Variants in GABBR2 observed in about 807,000 individuals in gnomAD.
The protein encoded by GABBR2 is G-protein coupled receptor 51.
In GABBR2, 23 loss-of-function variants were observed where a neutral mutation model predicts 105.6. The ratio of observed to expected loss-of-function variants is 0.22; its 90% CI spans 0.16 to 0.31. The LOEUF (loss-of-function observed/expected upper bound fraction) is 0.31, where lower values mean the gene tolerates loss of function less well. Ranked by LOEUF, GABBR2 falls within the 10% of genes least tolerant of loss-of-function variation. The probability of loss-of-function intolerance (pLI) is 1.00; values close to 1 mark genes in which losing one functional copy is unlikely to be tolerated. For synonymous variants in GABBR2, 478 were observed against 499.7 expected (o/e 0.96, Z 0.58); for missense variants, 734 against 1,245.5 (o/e 0.59, Z 6.18).
At chr9:98,351,594 A>G (rs1831400180) in intron 13 of GABBR2, among the ~76,000 whole-genome samples, 1 of 152,138 alleles carries the variant, frequency 6.6e-6, no homozygotes, top group African/African-American at 2.4e-5. Flanking sequence ...GATCTAGTCT[A>G]TTTTTGAAGC....
intron 1 of GABBR2, chr9:98,581,186 A>G (rs1002273838): frequency 1.3e-5 from 2 of 152,490 alleles, no homozygotes; most frequent in Admixed American, 6.5e-5. Context: ...CTGCAGGGAA[A>G]GCCAGGGAGG....
chr9:98,632,185 G>A (rs972922204), intron 1 of GABBR2, among the ~76,000 whole-genome samples: 1 of 152,166 alleles, frequency 6.6e-6, no homozygotes, highest in African/African-American at 2.4e-5. Context: ...AATGAAAGAA[G>A]TATGTCCTAG....
intron 2 of GABBR2, chr9:98,552,247 G>A (rs1828503532): frequency 6.6e-6 from 1 of 152,206 alleles, no homozygotes; most frequent in Non-Finnish European, 1.5e-5. Flanking sequence ...CTAAGTCCTA[G>A]GTAAGGAACT....
intron 13 of GABBR2, among the ~76,000 whole-genome samples, chr9:98,324,330 C>T (rs7019826): frequency 0.1 from 15,922 of 152,202 alleles, 923 homozygotes; most frequent in Middle Eastern, 0.19. Context: ...CCTGGTGTAA[C>T]GGACAGCCAT....
chr9:98,648,706 C>T (rs901069720), intron 1 of GABBR2, among the ~76,000 whole-genome samples: 12 of 152,086 alleles, frequency 7.9e-5, no homozygotes, highest in African/African-American at 2.4e-4. Flanking sequence ...TTTTAAATAC[C>T]GACATTCCAG....
At chr9:98,696,619 G>C (rs1213996066) in intron 1 of GABBR2, among the ~76,000 whole-genome samples, 1 of 152,192 alleles carries the variant, frequency 6.6e-6, no homozygotes, top group Non-Finnish European at 1.5e-5. Flanking sequence ...CCTACACTGT[G>C]TAACAAACCC....
chr9:98,310,582 A>G (rs1830620175), intron 14 of GABBR2, among the ~76,000 whole-genome samples: 1 of 152,294 alleles, frequency 6.6e-6, no homozygotes, highest in Non-Finnish European at 1.5e-5. Flanking sequence ...TAAAGTGGAA[A>G]GAGTGCTGGG....
chr9:98,291,856 G>A (rs942090510), intron 18 of GABBR2, among the ~76,000 whole-genome samples: 3 of 152,210 alleles, frequency 2.0e-5, no homozygotes, highest in Non-Finnish European at 2.9e-5. Flanking sequence ...TCTGCTAGGA[G>A]AACCCTTCCT....
At chr9:98,367,026 A>C (rs1485797981) in intron 12 of GABBR2, among the ~76,000 whole-genome samples, 1 of 152,256 alleles carries the variant, frequency 6.6e-6, no homozygotes, top group Admixed American at 6.5e-5. Flanking sequence ...TTAGAAAAAA[A>C]GTAACATGCT....
chr9:98,618,250 C>T lies in GABBR2; in HGVS notation c.322-40178G>A, dbSNP rs567104689. ...TAAATGGCTTAATCATAGGCACCCT[C>T]GGAAGGGGAACCACACTTGGCATAA... On this transcript the variant is annotated intron_variant, in intron 1 of 18. Transcript: ENST00000259455. 8.5e-5 allele frequency among the ~76,000 whole-genome samples: 13 copies of T among 152,232 alleles called. No individual in the cohort carries two copies. In the South Asian group the frequency reaches 2.5e-3, roughly 29 times the overall value.
intron 9 of GABBR2, among the ~76,000 whole-genome samples, chr9:98,391,395 G>C (rs1247711188): frequency 6.6e-6 from 1 of 152,148 alleles, no homozygotes; most frequent in Non-Finnish European, 1.5e-5. Context: ...TAAGTGGCAG[G>C]ATTTGAACTC....
chr9:98,616,751 C>A (rs370831514), intron 1 of GABBR2, among the ~76,000 whole-genome samples: 118 of 143,556 alleles, frequency 8.2e-4, no homozygotes, highest in South Asian at 1.1e-3. Flanking sequence ...GACTCCGTCT[C>A]AAAAAAAAAA....
At chr9:98,580,794 A>G (rs943201608) in intron 1 of GABBR2, among the ~76,000 whole-genome samples, 3 of 152,086 alleles carry the variant, frequency 2.0e-5, no homozygotes, top group Admixed American at 2.0e-4. Context: ...AAACAAAACA[A>G]ACAAATCTGT....
At chr9:98,325,574 G>A (rs1830908407) in intron 13 of GABBR2, among the ~76,000 whole-genome samples, 1 of 152,134 alleles carries the variant, frequency 6.6e-6, no homozygotes, top group Admixed American at 6.5e-5. Context: ...TTACAGGCAT[G>A]AGCCACTGCA....
chr9:98,358,807 C>T (rs1447125603), intron 13 of GABBR2, among the ~76,000 whole-genome samples: 1 of 152,148 alleles, frequency 6.6e-6, no homozygotes, highest in Non-Finnish European at 1.5e-5. Context: ...CTGTGTGTAG[C>T]CCCTGAGAGA....
At chr9:98,291,448 C>T (rs1021330324) in intron 18 of GABBR2, among the ~76,000 whole-genome samples, 1 of 152,210 alleles carries the variant, frequency 6.6e-6, no homozygotes, top group African/African-American at 2.4e-5. Flanking sequence ...CCCTGAAAGA[C>T]TTCTCGCCTG....
rs1283005115 is a variant in GABBR2 at position 98,494,816 on chromosome 9, T to C, written c.732+1597A>G. 2.0e-5 allele frequency among the ~76,000 whole-genome samples: 3 copies of C among 152,240 alleles called. 1 individual carries two copies. Among genetic ancestry groups the C allele is most frequent in the Non-Finnish European group, 2.9e-5 (2 of 68,036 alleles). Reference sequence around the variant, plus strand: ...TGCTACTTCTGTTGGAGTTGGCTGGTTGATGGGTAGAGAGTCCAGTTCCAT... The same window carrying C: ...TGCTACTTCTGTTGGAGTTGGCTGGCTGATGGGTAGAGAGTCCAGTTCCAT... On this transcript the variant is annotated intron_variant, in intron 4 of 18. Transcript: ENST00000259455.
At chr9:98,553,958 A>G (rs1828536836) in intron 2 of GABBR2, among the ~76,000 whole-genome samples, 1 of 152,202 alleles carries the variant, frequency 6.6e-6, no homozygotes, top group South Asian at 2.1e-4. Flanking sequence ...GATCTTCACA[A>G]AAACCCATGA....
intron 1 of GABBR2, among the ~76,000 whole-genome samples, chr9:98,643,797 A>T (rs888558575): frequency 1.3e-5 from 2 of 152,198 alleles, no homozygotes; most frequent in Non-Finnish European, 2.9e-5. Flanking sequence ...CTGTTAGGAA[A>T]AAGAATCATT....
Sources: allele counts gnomAD v4.1 joint callset (sites outside exome capture counted in the v4.1 genomes callset), GRCh38; gene constraint gnomAD v4.1.1; transcripts MANE v1.5; gene names NCBI Gene and HGNC (gene_info 2026-07-23, HGNC 2026-07-21).